Variants in DMXL1 observed in about 807,000 individuals in gnomAD.
DMXL1 encodes the protein Dmx like 1.
In DMXL1, 99 loss-of-function variants were observed where a neutral mutation model predicts 319.2. That is an observed-to-expected ratio of 0.31 (90% CI 0.26 to 0.37). The LOEUF is 0.37. Among genes scored for constraint, DMXL1 ranks in the 10% least tolerant of loss-of-function variants. DMXL1 has a pLI of 1.00. For synonymous variants in DMXL1, 1,385 were observed against 1,235.2 expected (o/e 1.12, Z -2.54); for missense variants, 3,745 against 3,595.6 (o/e 1.04, Z -1.06).
At chr5:119,200,417 T>C (rs190955197) in intron 32 of DMXL1, among the ~76,000 whole-genome samples, 90 of 152,368 alleles carry the variant, frequency 5.9e-4, no homozygotes, top group Admixed American at 5.8e-3. Flanking sequence ...TTCTCTATTC[T>C]GTTCCAGTGG....
chr5:119,221,683 A>C (rs1004133092), intron 37 of DMXL1, among the ~76,000 whole-genome samples: 3 of 152,166 alleles, frequency 2.0e-5, no homozygotes, highest in Non-Finnish European at 2.9e-5. Flanking sequence ...CTTTATAAAA[A>C]AAGGTTTGCT....
chr5:119,105,275 G>A lies in DMXL1; in HGVS notation c.364+17G>A. 1.3e-6 allele frequency: 2 copies of A among 1,585,730 alleles called. No individual in the cohort carries two copies. Among genetic ancestry groups the A allele is most frequent in the Non-Finnish European group, 1.7e-6 (2 of 1,155,816 alleles). Reference sequence around the variant, plus strand: ...ATCCCACAGGTAAGAAAATAAGCAGGATTAACTAAAATGAAATATCACTTG... The same window carrying A: ...ATCCCACAGGTAAGAAAATAAGCAGAATTAACTAAAATGAAATATCACTTG... On this transcript the variant is annotated intron_variant, in intron 4 of 43. Transcript: ENST00000539542.
Position 119,122,507 on chromosome 5 carries a change from G to A in DMXL1, c.1102+1368G>A, listed in dbSNP as rs376244411. Among the ~76,000 whole-genome samples the A allele has an allele frequency of 4.5e-3, 683 of 151,934 alleles. 11 individuals carry two copies. The highest frequency in any genetic ancestry group is 0.024 in the Middle Eastern group (7 of 290). On this transcript the variant is annotated intron_variant, in intron 9 of 43. Coordinates refer to ENST00000539542, the MANE Select transcript of DMXL1 (RefSeq NM_001290321.3). ...CGGAGATGCTCCTCACTTCCCAGACGGGGTGGCTGCCGGGCGGAGAGGCTC... is the reference window on the plus strand; with the variant it reads ...CGGAGATGCTCCTCACTTCCCAGACAGGGTGGCTGCCGGGCGGAGAGGCTC...
intron 4 of DMXL1, among the ~76,000 whole-genome samples, chr5:119,109,215 A>T (rs987580810): frequency 1.4e-4 from 21 of 152,176 alleles, no homozygotes; most frequent in African/African-American, 4.8e-4. Flanking sequence ...TCTAAAAAGT[A>T]TTTTTAACCT....
Position 119,170,536 on chromosome 5 carries a change from G to T in DMXL1, c.5745G>T (p.Arg1915Ser), listed in dbSNP as rs1185025671. The T allele has an allele frequency of 6.2e-7, 1 of 1,613,692 alleles. No individual in the cohort carries two copies. Among genetic ancestry groups the T allele is most frequent in the South Asian group, 1.1e-5 (1 of 91,050 alleles). Residue 1915 changes from arginine to serine, a missense_variant, in exon 24 of 44, where the codon AGG (arginine) becomes AGT (serine). This residue lies in a region of DMXL1 where 1,382 missense variants were observed against 1,269.5 expected (regional missense o/e 1.09). Transcript: ENST00000539542. ...SPSSPLKLDA[R>S]EDKSSAVDWS... is the part of the protein sequence containing the mutation. ...CTTCTCCATTAAAGTTGGATGCAAG[G>T]GAAGATAAGTCTTCTGCTGTTGATT...
intron 42 of DMXL1, among the ~76,000 whole-genome samples, chr5:119,242,220 C>G (rs899668947): frequency 6.6e-6 from 1 of 152,054 alleles, no homozygotes; most frequent in Admixed American, 6.6e-5. Context: ...AAAAAATGTT[C>G]CAATATATCT....
intron 13 of DMXL1, among the ~76,000 whole-genome samples, chr5:119,142,800 T>TGACA (rs1316361141): frequency 3.9e-5 from 6 of 151,986 alleles, no homozygotes; most frequent in Admixed American, 3.9e-4. Context: ...TGCCCATGAG[T>TGACA]GACAGATTGG....
chr5:119,183,914 C>T (rs746716045), intron 28 of DMXL1, among the ~76,000 whole-genome samples: 2 of 152,106 alleles, frequency 1.3e-5, no homozygotes, highest in African/African-American at 4.8e-5. Context: ...AAAGAAACTC[C>T]AAGAAATGTG....
intron 34 of DMXL1, among the ~76,000 whole-genome samples, chr5:119,209,348 A>G (rs77553366): frequency 7.3e-6 from 1 of 137,246 alleles, no homozygotes; most frequent in African/African-American, 2.7e-5. Flanking sequence ...ATCCCATTCT[A>G]TTTTTTTTTT....
chr5:119,139,502 C>G (rs192232257), intron 13 of DMXL1, among the ~76,000 whole-genome samples: 1 of 152,146 alleles, frequency 6.6e-6, no homozygotes, highest in Non-Finnish European at 1.5e-5. Flanking sequence ...AGACTCTGAA[C>G]CAACAAAGAT....
chr5:119,072,021 T>G (rs754961630), intron 1 of DMXL1, among the ~76,000 whole-genome samples: 1 of 152,130 alleles, frequency 6.6e-6, no homozygotes, highest in African/African-American at 2.4e-5. Context: ...TTAGGAATAG[T>G]GGAGATTGGT....
intron 32 of DMXL1, among the ~76,000 whole-genome samples, chr5:119,199,553 A>G (rs1780298240): frequency 6.6e-6 from 1 of 152,132 alleles, no homozygotes; most frequent in Admixed American, 6.6e-5. Context: ...TTATGGTAGA[A>G]TGATTTATAT....
At chr5:119,128,126 T>C (rs1426531726) in intron 9 of DMXL1, 3 of 500,254 alleles carry the variant, frequency 6.0e-6, no homozygotes, top group Non-Finnish European at 8.0e-6. Context: ...TCAACTCTTG[T>C]GAGCAGCAAC....
At chr5:119,219,675 G>GT (rs746894447) in intron 35 of DMXL1, among the ~76,000 whole-genome samples, 1 of 151,842 alleles carries the variant, frequency 6.6e-6, no homozygotes, top group Non-Finnish European at 1.5e-5. Context: ...TCAAGCAATC[G>GT]TTTCACCTCA....
chr5:119,127,566 G>A (rs1763882574), intron 9 of DMXL1, among the ~76,000 whole-genome samples: 1 of 152,100 alleles, frequency 6.6e-6, no homozygotes, highest in Non-Finnish European at 1.5e-5. Flanking sequence ...AGCCTCCCAA[G>A]TAATTGGGAT....
intron 19 of DMXL1, chr5:119,154,639 C>G (rs1263107336): frequency 6.4e-6 from 1 of 155,130 alleles, no homozygotes; most frequent in African/African-American, 2.4e-5. Flanking sequence ...CAAGGTGAAG[C>G]TAGGTCTTCT....
chr5:119,206,722 G>A (rs1781810564), intron 33 of DMXL1, 112 bp from the exon 34 acceptor site: 1 of 613,074 alleles, frequency 1.6e-6, no homozygotes, highest in Admixed American at 3.4e-5. Flanking sequence ...TCCATATAAT[G>A]TTCTTTTCTA....
intron 38 of DMXL1, among the ~76,000 whole-genome samples, chr5:119,226,979 G>C (rs887137351): frequency 3.3e-5 from 5 of 152,162 alleles, no homozygotes; most frequent in Non-Finnish European, 1.5e-5. Flanking sequence ...AAGCTCATCA[G>C]ATCTCCTTGT....
At chr5:119,244,935 C>T (rs953400723) in intron 43 of DMXL1, among the ~76,000 whole-genome samples, 9 of 152,106 alleles carry the variant, frequency 5.9e-5, no homozygotes, top group South Asian at 2.1e-4. Flanking sequence ...CCACATTGCT[C>T]GCCAGTTTTT....
Sources: gnomAD v4.1 joint callset for allele counts (sites outside exome capture counted in the v4.1 genomes callset) on GRCh38, gnomAD v4.1.1 for gene constraint, gnomAD v4.1.1 regional missense constraint, MANE v1.5 for transcripts, NCBI Gene and HGNC (gene_info 2026-07-23, HGNC 2026-07-21) for gene names.